STPG2: variants seen among roughly 807,000 people sequenced by gnomAD.
STPG2 encodes sperm-tail PG-rich repeat-containing protein 2.
A neutral mutation model predicts 54.2 loss-of-function variants in STPG2; 56 were observed. That is an observed-to-expected ratio of 1.03 (90% CI 0.83 to 1.29). The LOEUF (loss-of-function observed/expected upper bound fraction) is 1.29. STPG2 is among the 50% of genes most tolerant of loss of function. The probability of loss-of-function intolerance (pLI) is 0.00; values close to 1 mark genes in which losing one functional copy is unlikely to be tolerated. For synonymous variants in STPG2, 200 were observed against 181.8 expected (o/e 1.10, Z -0.81); for missense variants, 596 against 544.9 (o/e 1.09, Z -0.93).
In STPG2 at chr4:97,504,914, C is replaced by T. The variant is rs1159440713; in HGVS notation, c.462+207785G>A. 7.2e-5 allele frequency among the ~76,000 whole-genome samples: 11 copies of T among 151,910 alleles called. 1 individual carries two copies. The highest frequency in any genetic ancestry group is 6.6e-4 in the Admixed American group (10 of 15,204). On this transcript the variant is annotated intron_variant, in intron 4 of 4. Coordinates refer to the STPG2 transcript ENST00000522676. ...TTCTGAAAAAAAGTTATTGTTGTCA[C>T]CATGGTACAGACAAGGCAAGCTCAA...
rs869298230 is a variant in STPG2 at position 97,813,677 on chromosome 4, T to TAAAA, written c.1204+27092_1204+27095dup. Among the ~76,000 whole-genome samples, 198 of 45,902 alleles carry TAAAA rather than the reference T, an allele frequency of 4.3e-3. 15 individuals carry two copies. Among genetic ancestry groups the TAAAA allele is most frequent in the Non-Finnish European group, 5.5e-3 (130 of 23,758 alleles). The allele number at this position is 45,902 out of a possible 152,430, so 30.1% of individuals were successfully genotyped here. ...GGCAGCATAGCAAGACCCTGTCTCT[T>TAAAA]AAAAAAAAAAAAAAAAAAAAAAAAA... is the stretch of plus-strand genomic sequence containing the variant. On this transcript the variant is annotated intron_variant, in intron 9 of 10. Transcript: ENST00000295268.
intron 9 of STPG2, among the ~76,000 whole-genome samples, chr4:97,775,450 A>C (rs923647497): frequency 2.0e-5 from 3 of 152,140 alleles, no homozygotes; most frequent in African/African-American, 7.2e-5. Flanking sequence ...ATAAATAAAA[A>C]TAAAATAAAA....
intron 10 of STPG2, among the ~76,000 whole-genome samples, chr4:97,685,134 G>T (rs1723150560): frequency 6.6e-6 from 1 of 152,046 alleles, no homozygotes; most frequent in Non-Finnish European, 1.5e-5. Flanking sequence ...AATGCAAAAG[G>T]TACAGCCACT....
intron 9 of STPG2, among the ~76,000 whole-genome samples, chr4:97,742,573 A>G (rs1173039717): frequency 3.4e-5 from 5 of 144,990 alleles, no homozygotes; most frequent in African/African-American, 7.9e-5. Context: ...GTGTCTATAT[A>G]TATATGGAAT....
Position 97,981,207 on chromosome 4 carries a change from G to C in STPG2, c.724C>G (p.Gln242Glu), listed in dbSNP as rs960152021. Residue 242 changes from glutamine to glutamate, a missense_variant, in exon 6 of 11, where the codon CAA becomes GAA. Transcript: ENST00000295268. ...TCCTGTGTGAATCGAACAGCACTTT[G>C]ACCAAATGGAATATTTTTCAGTCCT... ...TSGLKNIPFG[Q>E]SAVRFTQDIR... 9 of 1,613,938 alleles carry C rather than the reference G, an allele frequency of 5.6e-6. No individual in the cohort carries two copies. Among genetic ancestry groups the C allele is most frequent in the Non-Finnish European group, 6.8e-6 (8 of 1,179,942 alleles).
At chr4:98,139,371 T>C (rs184752881) in intron 1 of STPG2, among the ~76,000 whole-genome samples, 73 of 152,250 alleles carry the variant, frequency 4.8e-4, no homozygotes, top group African/African-American at 1.7e-3. Context: ...ATAAAGAGTA[T>C]CTGTATCTAA....
chr4:97,836,798 T>C (rs897295393), intron 9 of STPG2, among the ~76,000 whole-genome samples: 2 of 150,798 alleles, frequency 1.3e-5, no homozygotes, highest in African/African-American at 2.4e-5. Context: ...ATTTACTGTA[T>C]CACAGCATAT....
At chr4:97,984,894 T>A (rs942511706) in intron 5 of STPG2, among the ~76,000 whole-genome samples, 1 of 152,178 alleles carries the variant, frequency 6.6e-6, no homozygotes, top group African/African-American at 2.4e-5. Context: ...TGCAAGCCAG[T>A]ACAAATAAAC....
chr4:97,670,263 T>C (rs1465070192), intron 10 of STPG2, among the ~76,000 whole-genome samples: 2 of 152,110 alleles, frequency 1.3e-5, no homozygotes, highest in African/African-American at 2.4e-5. Context: ...TGGGACAATA[T>C]TGATTATCTA....
intron 5 of STPG2, among the ~76,000 whole-genome samples, chr4:98,091,168 C>T (rs963314626): frequency 6.6e-6 from 1 of 151,820 alleles, no homozygotes; most frequent in South Asian, 2.1e-4. Flanking sequence ...TGTACTTTCC[C>T]CTCATTATCA....
At chr4:97,966,729 A>G (rs898686671) in intron 7 of STPG2, among the ~76,000 whole-genome samples, 1 of 152,176 alleles carries the variant, frequency 6.6e-6, no homozygotes, top group African/African-American at 2.4e-5. Context: ...CAATATTCTG[A>G]AAAAGGATTT....
chr4:98,013,300 C>T (rs896855065), intron 5 of STPG2, among the ~76,000 whole-genome samples: 6 of 152,146 alleles, frequency 3.9e-5, no homozygotes, highest in Non-Finnish European at 8.8e-5. Flanking sequence ...AGGGATGGAA[C>T]CTACTTGTGG....
At chr4:97,711,828 C>A (rs187530864) in intron 10 of STPG2, among the ~76,000 whole-genome samples, 3 of 151,636 alleles carry the variant, frequency 2.0e-5, no homozygotes, top group East Asian at 1.9e-4. Flanking sequence ...TGACACCATG[C>A]CTGGATTATT....
intron 10 of STPG2, among the ~76,000 whole-genome samples, chr4:97,590,638 GACACAC>G (rs5860506): frequency 1.4e-5 from 2 of 138,706 alleles, no homozygotes; most frequent in East Asian, 2.2e-4. Flanking sequence ...CAGACACACA[GACACAC>G]ACACACACAC....
At chr4:97,985,423 G>A (rs1451264896) in intron 5 of STPG2, among the ~76,000 whole-genome samples, 2 of 152,068 alleles carry the variant, frequency 1.3e-5, no homozygotes, top group Non-Finnish European at 2.9e-5. Context: ...AGGAAATATT[G>A]TGTATTTAAA....
intron 4 of STPG2, among the ~76,000 whole-genome samples, chr4:97,456,883 C>T (rs1729536401): frequency 1.1e-5 from 1 of 93,172 alleles, no homozygotes; most frequent in South Asian, 2.8e-4. Flanking sequence ...TAACAGAGTG[C>T]TCCGTCTCAA....
At chr4:97,547,586 CAT>C (rs1312073139) in intron 4 of STPG2, among the ~76,000 whole-genome samples, 2 of 152,228 alleles carry the variant, frequency 1.3e-5, no homozygotes, top group Admixed American at 6.5e-5. Flanking sequence ...CAACGTGAAA[CAT>C]AGACTGAAGG....
chr4:97,537,723 T>A (rs927114059), intron 4 of STPG2, among the ~76,000 whole-genome samples: 2 of 152,194 alleles, frequency 1.3e-5, no homozygotes, highest in African/African-American at 4.8e-5. Context: ...CAGCTTGAGA[T>A]CTGAGAATGG....
chr4:97,574,222 A>C (rs1038880975), intron 10 of STPG2, among the ~76,000 whole-genome samples: 9 of 152,134 alleles, frequency 5.9e-5, no homozygotes, highest in African/African-American at 2.2e-4. Context: ...TCTGTTAAAA[A>C]AAAGTCACTT....
Sources: gnomAD v4.1 joint callset for allele counts (sites outside exome capture counted in the v4.1 genomes callset) on GRCh38, gnomAD v4.1.1 for gene constraint, MANE v1.5 for transcripts, NCBI Gene and HGNC (gene_info 2026-07-23, HGNC 2026-07-21) for gene names.